The following MMP26 variants were observed in gnomAD, a reference collection of about 807,000 sequenced individuals.
The protein encoded by MMP26 is matrix metallopeptidase 26.
MMP26 carries 33 observed loss-of-function variants against 31.0 expected under a neutral mutation model. That is an observed-to-expected ratio of 1.06 (90% CI 0.81 to 1.42). The LOEUF is 1.42. Among genes scored for constraint, MMP26 ranks in the 40% most tolerant of loss-of-function variants. MMP26 has a pLI of 0.00. For synonymous variants in MMP26, 122 were observed against 114.9 expected (o/e 1.06, Z -0.40); for missense variants, 347 against 316.1 (o/e 1.10, Z -0.74).
At chr11:4,905,450 A>G (rs1427864464) in intron 2 of MMP26, among the ~76,000 whole-genome samples, 2 of 152,172 alleles carry the variant, frequency 1.3e-5, no homozygotes, top group East Asian at 3.8e-4. Context: ...AAATCACAAA[A>G]TACAGTATGA....
intron 2 of MMP26, among the ~76,000 whole-genome samples, chr11:4,895,234 A>G (rs1216747345): frequency 6.6e-6 from 1 of 150,416 alleles, no homozygotes; most frequent in Admixed American, 6.6e-5. Flanking sequence ...CTTTATATAC[A>G]TCATTACAAT....
At chr11:4,754,592 A>T (rs960289113) in intron 1 of MMP26, among the ~76,000 whole-genome samples, 14 of 152,004 alleles carry the variant, frequency 9.2e-5, no homozygotes, top group Non-Finnish European at 1.9e-4. Flanking sequence ...CTGTTTTTAC[A>T]AACCATTCAA....
rs377463680 is a variant in MMP26 at position 4,987,790 on chromosome 11, T to C, written c.-144-278T>C. Among the ~76,000 whole-genome samples the C allele has an allele frequency of 3.9e-5, 6 of 152,196 alleles. No individual in the cohort carries two copies. The East Asian group carries it at 9.6e-4, about 24-fold the overall frequency. ...CATTATTTATTTCCCTTGATTTTAT[T>C]CTTTTTTCTCTTTTTAGCTTCTGGA... On this transcript the variant is annotated intron_variant, in intron 2 of 7. Coordinates refer to ENST00000380390, the MANE Select transcript of MMP26 (RefSeq NM_021801.5).
At chr11:4,764,764 T>C (rs575738679) in intron 1 of MMP26, among the ~76,000 whole-genome samples, 22 of 152,136 alleles carry the variant, frequency 1.4e-4, no homozygotes, top group Admixed American at 5.2e-4. Context: ...TCCCAGCTAC[T>C]CGGGAGGCTG....
chr11:4,723,685 T>C (rs1330273439), intron 1 of MMP26: 4 of 916,540 alleles, frequency 4.4e-6, no homozygotes, highest in African/African-American at 1.6e-5. Context: ...CCCTTGCATG[T>C]TGCCAAGCTT....
intron 2 of MMP26, among the ~76,000 whole-genome samples, chr11:4,979,520 A>C (rs1419424588): frequency 2.6e-5 from 4 of 152,126 alleles, no homozygotes; most frequent in Non-Finnish European, 5.9e-5. Flanking sequence ...CTCAATCCTT[A>C]GTTTAATGAG....
chr11:4,761,861 T>C (rs1406095143), intron 1 of MMP26, among the ~76,000 whole-genome samples: 2 of 152,146 alleles, frequency 1.3e-5, no homozygotes, highest in South Asian at 2.1e-4. Flanking sequence ...AATAAACAAA[T>C]GGATTTCTAC....
At chr11:4,853,689 T>C (rs1268080882) in intron 2 of MMP26, among the ~76,000 whole-genome samples, 2 of 152,208 alleles carry the variant, frequency 1.3e-5, no homozygotes, top group Non-Finnish European at 2.9e-5. Context: ...CCAGATGATT[T>C]CATGGGTGAA....
At chr11:4,971,843 A>C (rs1221606680) in intron 2 of MMP26, among the ~76,000 whole-genome samples, 1 of 152,154 alleles carries the variant, frequency 6.6e-6, no homozygotes, top group East Asian at 1.9e-4. Context: ...AGAGGAAGGA[A>C]GCAAGATAAA....
At chr11:4,723,299 G>A in intron 1 of MMP26, 1 of 1,010,662 alleles carries the variant, frequency 9.9e-7, no homozygotes, top group Non-Finnish European at 1.6e-6. Flanking sequence ...TCATCCTCCT[G>A]CTTCCCAGCC....
intron 2 of MMP26, chr11:4,822,412 T>A (rs1849523128): frequency 7.0e-7 from 1 of 1,428,518 alleles, no homozygotes; most frequent in East Asian, 2.5e-5. Flanking sequence ...CATTTATGAA[T>A]AAGTGCTTTG....
intron 2 of MMP26, among the ~76,000 whole-genome samples, chr11:4,834,663 G>A (rs1031033537): frequency 2.0e-5 from 3 of 152,134 alleles, no homozygotes; most frequent in South Asian, 4.1e-4. Flanking sequence ...CTAGGGACTC[G>A]GTCAGGAACA....
intron 1 of MMP26, among the ~76,000 whole-genome samples, chr11:4,733,966 C>T (rs1848206212): frequency 6.6e-6 from 1 of 152,076 alleles, no homozygotes; most frequent in Admixed American, 6.6e-5. Flanking sequence ...ATTCATTGTT[C>T]TACAGCTTTT....
At chr11:4,707,487 T>G (rs1482889910) in intron 1 of MMP26, among the ~76,000 whole-genome samples, 4 of 152,210 alleles carry the variant, frequency 2.6e-5, no homozygotes, top group Non-Finnish European at 4.4e-5. Context: ...AAAAAGAACA[T>G]TAAATTGAGA....
chr11:4,828,986 C>G (rs1849612642), intron 2 of MMP26, among the ~76,000 whole-genome samples: 1 of 152,154 alleles, frequency 6.6e-6, no homozygotes, highest in Admixed American at 6.6e-5. Context: ...AGTTTCAGTG[C>G]TGCCTCTACC....
chr11:4,827,776 C>T (rs1292456654), intron 2 of MMP26, among the ~76,000 whole-genome samples: 2 of 151,496 alleles, frequency 1.3e-5, no homozygotes, highest in African/African-American at 2.4e-5. Flanking sequence ...TCATCTTTTT[C>T]CTAAAAATTA....
intron 2 of MMP26, among the ~76,000 whole-genome samples, chr11:4,843,397 C>G (rs1849822615): frequency 6.6e-6 from 1 of 152,226 alleles, no homozygotes; most frequent in Non-Finnish European, 1.5e-5. Flanking sequence ...TAGGTAGAGG[C>G]TCCCAAACCT....
intron 2 of MMP26, among the ~76,000 whole-genome samples, chr11:4,947,377 A>T (rs1471538848): frequency 8.0e-6 from 1 of 125,244 alleles, no homozygotes; most frequent in Non-Finnish European, 1.8e-5. Context: ...TTAGTTACGC[A>T]TCTGATTTCA....
intron 2 of MMP26, chr11:4,937,679 G>A (rs1448893073): frequency 6.4e-6 from 1 of 155,212 alleles, no homozygotes; most frequent in Non-Finnish European, 1.4e-5. Flanking sequence ...ATAGTAGAAA[G>A]TCCTGCACAG....
Sources: gnomAD v4.1 joint callset for allele counts (sites outside exome capture counted in the v4.1 genomes callset) on GRCh38, gnomAD v4.1.1 for gene constraint, MANE v1.5 for transcripts, NCBI Gene and HGNC (gene_info 2026-07-23, HGNC 2026-07-21) for gene names.